NR6A1: variants seen among roughly 807,000 people sequenced by gnomAD.
NR6A1 encodes the protein retinoic acid receptor-related testis-associated receptor.
Under a neutral mutation model 59.1 loss-of-function variants are expected in NR6A1, and 7 were observed. The observed-to-expected ratio is 0.12, with a 90% CI of 0.07 to 0.22. The LOEUF is 0.22. Ranked by LOEUF, NR6A1 falls within the 10% of genes least tolerant of loss-of-function variation. The pLI is 1.00. For synonymous variants in NR6A1, 243 were observed against 236.1 expected (o/e 1.03, Z -0.27); for missense variants, 468 against 611.6 (o/e 0.77, Z 2.48).
At position 124,543,793 on chromosome 9, in the gene NR6A1, A is replaced by G. The variant is rs761951567; in HGVS notation, c.441+9T>C. ...GGACGGACCACAGAGACTGAGGTCT[A>G]GAACTCACCTGGACTGGCCCAATGC... On this transcript the variant is annotated intron_variant, in intron 4 of 9. Coordinates refer to ENST00000487099, the MANE Select transcript of NR6A1 (RefSeq NM_033334.4). The G allele has an allele frequency of 2.9e-5, 46 of 1,612,030 alleles. No individual in the cohort carries two copies. In the Admixed American group the frequency reaches 3.5e-4, roughly 12 times the overall value.
intron 2 of NR6A1, among the ~76,000 whole-genome samples, chr9:124,576,825 G>A (rs1033475957): frequency 6.6e-6 from 1 of 152,204 alleles, no homozygotes; most frequent in Non-Finnish European, 1.5e-5. Flanking sequence ...GGGAGGCCAA[G>A]ACAGGAAGAT....
intron 1 of NR6A1, among the ~76,000 whole-genome samples, chr9:124,761,776 C>G (rs1840791132): frequency 6.6e-6 from 1 of 152,156 alleles, no homozygotes; most frequent in Non-Finnish European, 1.5e-5. Context: ...ATAGCAATGA[C>G]TCTTAAGAAA....
intron 5 of NR6A1, 89 bp downstream of exon 5, chr9:124,539,944 G>C (rs1833390530): frequency 1.4e-6 from 2 of 1,425,492 alleles, no homozygotes; most frequent in South Asian, 2.9e-5. Flanking sequence ...GAGACAGCCT[G>C]GCAGGGATAC....
chr9:124,559,811 A>G (rs1834030059), intron 2 of NR6A1, among the ~76,000 whole-genome samples: 1 of 152,136 alleles, frequency 6.6e-6, no homozygotes, highest in Non-Finnish European at 1.5e-5. Flanking sequence ...TGGAGTGTCC[A>G]ACTGTGATTT....
intron 2 of NR6A1, among the ~76,000 whole-genome samples, chr9:124,648,727 G>C (rs1166463824): frequency 2.7e-5 from 4 of 148,244 alleles, no homozygotes; most frequent in African/African-American, 9.8e-5. Flanking sequence ...AAAGGCATTA[G>C]AACTCAGAAA....
At chr9:124,725,183 C>A (rs976039948) in intron 2 of NR6A1, among the ~76,000 whole-genome samples, 1 of 152,158 alleles carries the variant, frequency 6.6e-6, no homozygotes, top group Non-Finnish European at 1.5e-5. Context: ...CTGTTTTGAA[C>A]TTCTCTTGAC....
At chr9:124,764,498 T>C (rs1840875839) in intron 1 of NR6A1, among the ~76,000 whole-genome samples, 1 of 152,190 alleles carries the variant, frequency 6.6e-6, no homozygotes. Flanking sequence ...AAATCCATGA[T>C]TCTATGAAAT....
At chr9:124,602,745 C>T (rs183916984) in intron 2 of NR6A1, among the ~76,000 whole-genome samples, 1 of 152,138 alleles carries the variant, frequency 6.6e-6, no homozygotes, top group African/African-American at 2.4e-5. Context: ...TAAAATGCCC[C>T]CATTAAGTGT....
chr9:124,709,991 A>T (rs1839230774), intron 2 of NR6A1, among the ~76,000 whole-genome samples: 1 of 151,744 alleles, frequency 6.6e-6, no homozygotes, highest in South Asian at 2.1e-4. Flanking sequence ...CAATGTCCCT[A>T]TTTTAAACTA....
intron 2 of NR6A1, among the ~76,000 whole-genome samples, chr9:124,560,429 G>A (rs1442443393): frequency 2.6e-5 from 4 of 151,948 alleles, no homozygotes; most frequent in East Asian, 1.9e-4. Context: ...ATGTGTGGTC[G>A]GCGTTACATT....
chr9:124,599,104 G>C (rs1835370928), intron 2 of NR6A1: 5 of 698,226 alleles, frequency 7.2e-6, no homozygotes, highest in Non-Finnish European at 1.3e-5. Context: ...TCCATTCTAG[G>C]AGACGGTTCT....
chr9:124,702,955 C>T (rs1370899648), intron 2 of NR6A1, among the ~76,000 whole-genome samples: 1 of 150,008 alleles, frequency 6.7e-6, no homozygotes, highest in East Asian at 2.0e-4. Context: ...GGCTGGAGTG[C>T]AGTGGTACAG....
chr9:124,766,471 T>C (rs1434768240), intron 1 of NR6A1, among the ~76,000 whole-genome samples: 2 of 152,256 alleles, frequency 1.3e-5, no homozygotes, highest in Admixed American at 6.5e-5. Context: ...CAAGCGTGTT[T>C]ATCTGTTGAT....
intron 1 of NR6A1, among the ~76,000 whole-genome samples, chr9:124,741,432 G>C (rs75911637): frequency 1.3e-5 from 2 of 152,232 alleles, no homozygotes; most frequent in East Asian, 1.9e-4. Flanking sequence ...TACCCATACT[G>C]TAACAGGCCA....
intron 2 of NR6A1, among the ~76,000 whole-genome samples, chr9:124,652,211 G>A (rs1837127652): frequency 6.6e-6 from 1 of 152,130 alleles, no homozygotes; most frequent in African/African-American, 2.4e-5. Flanking sequence ...TTTCCACACT[G>A]TTGGATTTTC....
chr9:124,542,773 G>A (rs966574944), intron 4 of NR6A1, among the ~76,000 whole-genome samples: 2 of 152,218 alleles, frequency 1.3e-5, no homozygotes, highest in South Asian at 2.1e-4. Flanking sequence ...GCCCAGGCTC[G>A]TCTTGAACTC....
At chr9:124,727,193 T>G (rs1406116715) in intron 2 of NR6A1, among the ~76,000 whole-genome samples, 4 of 152,236 alleles carry the variant, frequency 2.6e-5, no homozygotes, top group Non-Finnish European at 5.9e-5. Flanking sequence ...TCATCTTATT[T>G]TCCCTGAGTA....
At chr9:124,665,886 A>C (rs1001559042) in intron 2 of NR6A1, among the ~76,000 whole-genome samples, 1 of 152,178 alleles carries the variant, frequency 6.6e-6, no homozygotes, top group African/African-American at 2.4e-5. Context: ...CCCTCTTCCA[A>C]TTGGAATTTA....
intron 1 of NR6A1, among the ~76,000 whole-genome samples, chr9:124,757,720 C>T (rs992824964): frequency 2.0e-5 from 3 of 152,178 alleles, no homozygotes; most frequent in Admixed American, 6.5e-5. Context: ...GCAGCTGTAT[C>T]TTTCCTGCTT....
Sources: allele counts gnomAD v4.1 joint callset (sites outside exome capture counted in the v4.1 genomes callset), GRCh38; gene constraint gnomAD v4.1.1; transcripts MANE v1.5; gene names NCBI Gene and HGNC (gene_info 2026-07-23, HGNC 2026-07-21).